ANKRD50: variants seen among roughly 807,000 people sequenced by gnomAD.
The protein encoded by ANKRD50 is ankyrin repeat domain 50.
A neutral mutation model predicts 112.0 loss-of-function variants in ANKRD50; 40 were observed. The ratio of observed to expected loss-of-function variants is 0.36; its 90% CI spans 0.28 to 0.46. The LOEUF is 0.46. Ranked by LOEUF, ANKRD50 falls within the 20% of genes least tolerant of loss-of-function variation. The pLI is 1.00. For missense variants in ANKRD50, 1,487 were observed against 1,701.7 expected (o/e 0.87, Z 2.22); for synonymous variants, 613 against 619.1 (o/e 0.99, Z 0.15).
intron 2 of ANKRD50, among the ~76,000 whole-genome samples, chr4:124,680,585 A>C (rs1724863231): frequency 6.6e-6 from 1 of 152,184 alleles, no homozygotes; most frequent in Non-Finnish European, 1.5e-5. Context: ...TTAAACATAT[A>C]TTTTGTCCAT....
Position 124,690,191 on chromosome 4 carries a change from C to T in ANKRD50, c.513-11286G>A, listed in dbSNP as rs530712198. 2.6e-5 allele frequency among the ~76,000 whole-genome samples: 4 copies of T among 152,202 alleles called. No individual in the cohort carries two copies. The South Asian group carries it at 8.3e-4, about 32-fold the overall frequency. On this transcript the variant is annotated intron_variant, in intron 2 of 4. Transcript: ENST00000504087. ...CAAATGCAGGGACATTTGGAATATG[C>T]CAAAATGTGGCAAAAACTGTTACTG...
intron 2 of ANKRD50, among the ~76,000 whole-genome samples, chr4:124,689,931 T>TA (rs1725097506): frequency 6.6e-6 from 1 of 152,212 alleles, no homozygotes; most frequent in Non-Finnish European, 1.5e-5. Context: ...AATTTGTTTT[T>TA]TAAAATGTGT....
chr4:124,703,268 A>G (rs2110527231), intron 2 of ANKRD50, among the ~76,000 whole-genome samples: 1 of 152,306 alleles, frequency 6.6e-6, no homozygotes, highest in South Asian at 2.1e-4. Flanking sequence ...GTTCACAGGC[A>G]ATCATGCATA....
At position 124,670,723 on chromosome 4, in the gene ANKRD50, G is replaced by A; in HGVS notation, c.2554C>T (p.His852Tyr). The A allele has an allele frequency of 1.2e-6, 2 of 1,613,606 alleles. No homozygotes were observed. Among genetic ancestry groups the A allele is most frequent in the Non-Finnish European group, 1.7e-6 (2 of 1,179,810 alleles). ...HRDDAGWTPL[H>Y]MAAFEGHRLI... ...CTGTGCCCTTCAAAAGCTGCCATGT[G>A]CAAAGGTGTCCATCCAGCATCATCT... The change falls in exon 4 of 5, where the codon CAC (histidine) becomes TAC (tyrosine). Residue 852 changes from histidine to tyrosine, a missense_variant. Physicochemically the swap from His to Tyr is moderately conservative, Grantham distance 83 (BLOSUM62 2). Coordinates refer to ENST00000504087, the MANE Select transcript of ANKRD50 (RefSeq NM_020337.3).
At chr4:124,668,939 G>T in intron 4 of ANKRD50, 45 bp downstream of exon 4, 3 of 1,496,202 alleles carry the variant, frequency 2.0e-6, no homozygotes, top group South Asian at 1.2e-5. Flanking sequence ...CAAGTAGAGG[G>T]AACTCTACTT....
Position 124,671,890 on chromosome 4 carries a change from T to C in ANKRD50, c.1387A>G (p.Asn463Asp), listed in dbSNP as rs752789928. 1.5e-5 allele frequency: 24 copies of C among 1,613,770 alleles called. No individual in the cohort carries two copies. Among genetic ancestry groups the C allele is most frequent in the Non-Finnish European group, 2.0e-5 (24 of 1,179,892 alleles). ...QEFALHLINS[N>D]LQLETAELAL... ...AACTCCGCTGTCTCTAATTGTAAGT[T>C]TGAGTTAATTAAGTGCAATGCAAAT... is the stretch of plus-strand genomic sequence containing the variant. The change falls in exon 4 of 5, where the codon AAC becomes GAC. Residue 463 changes from asparagine to aspartate, a missense_variant. Around this residue, in one of 2 missense-constraint regions of ANKRD50, gnomAD observed 1,046 missense variants for 1,269.5 expected, o/e 0.82. Coordinates refer to ENST00000504087, the MANE Select transcript of ANKRD50 (RefSeq NM_020337.3).
Position 124,672,128 on chromosome 4 carries a change from T to A in ANKRD50, c.1149A>T (p.Glu383Asp). The change falls in exon 4 of 5, where the codon GAA becomes GAT. Residue 383 changes from glutamate (E) to aspartate (D), a missense_variant. This residue lies in a region of ANKRD50 where 1,046 missense variants were observed against 1,269.5 expected (regional missense o/e 0.82). Coordinates refer to ENST00000504087, the MANE Select transcript of ANKRD50 (RefSeq NM_020337.3). ...VWTKNMSLTL[E>D]DFQRKLDILS... ...GGATATCTAACTTGCGTTGAAAATCTTCCAAAGTTAACGACATGTTTTTGG... is the reference window on the plus strand; with the variant it reads ...GGATATCTAACTTGCGTTGAAAATCATCCAAAGTTAACGACATGTTTTTGG... 1 of 1,613,902 alleles carries A rather than the reference T, an allele frequency of 6.2e-7. No homozygotes were observed. The highest frequency in any genetic ancestry group is 8.5e-7 in the Non-Finnish European group (1 of 1,179,862).
At chr4:124,687,618 C>T (rs1450856074) in intron 2 of ANKRD50, among the ~76,000 whole-genome samples, 1 of 152,056 alleles carries the variant, frequency 6.6e-6, no homozygotes. Flanking sequence ...ATTCGTAAAG[C>T]AAATTTCTGA....
intron 2 of ANKRD50, among the ~76,000 whole-genome samples, chr4:124,679,133 T>G (rs752019778): frequency 4.6e-5 from 7 of 152,160 alleles, no homozygotes; most frequent in Non-Finnish European, 8.8e-5. Flanking sequence ...GGTGGGTGTG[T>G]GGGTGTGTGT....
Position 124,710,738 on chromosome 4 carries a change from C to A in ANKRD50, c.-227G>T, listed in dbSNP as rs936049747. The A allele has an allele frequency of 7.3e-6, 4 of 544,602 alleles. No individual in the cohort carries two copies. The Admixed American group carries it at 1.3e-4, about 18-fold the overall frequency. The allele number at this position is 544,602 out of a possible 1,614,324, so 33.7% of individuals were successfully genotyped here. The stretch of plus-strand genomic sequence containing the variant: ...ATTAGTTGTTGAACTGAGGGAGAAA[C>A]GCCTGATTCCACAGCTCAGCAACAC... On this transcript the variant is annotated 5_prime_UTR_variant, in exon 2 of 5. Transcript: ENST00000504087.
intron 2 of ANKRD50, among the ~76,000 whole-genome samples, chr4:124,689,535 A>T (rs1159131335): frequency 6.6e-6 from 1 of 152,232 alleles, no homozygotes; most frequent in East Asian, 1.9e-4. Flanking sequence ...GCCTTCATCC[A>T]ATCAAAGATT....
At position 124,678,697 on chromosome 4, in the gene ANKRD50, C is replaced by A; in HGVS notation, c.721G>T (p.Ala241Ser). 1 of 1,613,534 alleles carries A rather than the reference C, an allele frequency of 6.2e-7. No homozygotes were observed. The highest frequency in any genetic ancestry group is 8.5e-7 in the Non-Finnish European group (1 of 1,179,608). ...LLCSARKQSK[A>S]VTKMFTGFRK... is the part of the protein sequence containing the mutation. Reference sequence around the variant, plus strand: ...TTACCAGTAAACATTTTAGTAACAGCCTTACTCTGCTTTCGGGCAGAACAG... The same window carrying A: ...TTACCAGTAAACATTTTAGTAACAGACTTACTCTGCTTTCGGGCAGAACAG... The change falls in exon 3 of 5, where the codon GCT becomes TCT. Residue 241 changes from alanine to serine, a missense_variant. Transcript: ENST00000504087.
chr4:124,699,308 T>C (rs957158937), intron 2 of ANKRD50, among the ~76,000 whole-genome samples: 2 of 152,020 alleles, frequency 1.3e-5, no homozygotes, highest in African/African-American at 2.4e-5. Flanking sequence ...TCCTGTTTAC[T>C]TTCCCGTATC....
At chr4:124,668,070 A>C (rs148692728) in intron 4 of ANKRD50, among the ~76,000 whole-genome samples, 70 of 152,008 alleles carry the variant, frequency 4.6e-4, no homozygotes, top group African/African-American at 1.7e-3. Flanking sequence ...GCTAGGAAAG[A>C]CCCCTAATAA....
At chr4:124,696,937 ATAAAT>A (rs748972595) in intron 2 of ANKRD50, among the ~76,000 whole-genome samples, 19 of 152,330 alleles carry the variant, frequency 1.2e-4, no homozygotes, top group East Asian at 9.6e-4. Flanking sequence ...ATCTTGAAAC[ATAAAT>A]TAGAGTACAC....
At chr4:124,673,555 G>A (rs1452871754) in intron 3 of ANKRD50, among the ~76,000 whole-genome samples, 3 of 151,882 alleles carry the variant, frequency 2.0e-5, no homozygotes, top group Non-Finnish European at 4.4e-5. Context: ...CAAAAATAAC[G>A]TGATGGACTT....
Position 124,671,218 on chromosome 4 carries a change from T to C in ANKRD50, c.2059A>G (p.Met687Val), listed in dbSNP as rs149669533. The change falls in exon 4 of 5, where the codon ATG (methionine) becomes GTG (valine). Residue 687 changes from methionine (M) to valine (V), a missense_variant. Physicochemically the swap from Met to Val is conservative, Grantham distance 21 (BLOSUM62 1). Transcript: ENST00000504087. ...GRTALIAAAYMGHREIVEHLL... is the reference protein window; with the variant it reads ...GRTALIAAAYVGHREIVEHLL... ...TGTTCCACAATCTCTCTATGTCCCA[T>C]GTATGCTGCTGCTATCAAAGCAGTT... 1.5e-5 allele frequency: 25 copies of C among 1,613,814 alleles called. No homozygotes were observed. The highest frequency in any genetic ancestry group is 2.7e-5 in the African/African-American group (2 of 74,908).
intron 2 of ANKRD50, among the ~76,000 whole-genome samples, chr4:124,690,269 C>T (rs150394458): frequency 5.1e-4 from 77 of 152,306 alleles, no homozygotes; most frequent in African/African-American, 1.8e-3. Context: ...TTCTGCAAGA[C>T]TAGAGAAATA....
intron 2 of ANKRD50, among the ~76,000 whole-genome samples, chr4:124,686,865 C>G (rs895517889): frequency 1.3e-5 from 2 of 152,002 alleles, no homozygotes; most frequent in African/African-American, 4.8e-5. Context: ...GTACCCACAG[C>G]AACAACAAAT....
Sources: allele counts gnomAD v4.1 joint callset (sites outside exome capture counted in the v4.1 genomes callset), GRCh38; gene constraint gnomAD v4.1.1; regional missense constraint gnomAD v4.1.1; transcripts MANE v1.5; gene names NCBI Gene and HGNC (gene_info 2026-07-23, HGNC 2026-07-21).